TMED3: variants seen among roughly 807,000 people sequenced by gnomAD.
The protein encoded by TMED3 is transmembrane emp24 domain-containing protein 3.
A neutral mutation model predicts 15.0 loss-of-function variants in TMED3; 9 were observed. The ratio of observed to expected loss-of-function variants is 0.60; its 90% CI spans 0.36 to 1.04. The LOEUF is 1.04. Among genes scored for constraint, TMED3 ranks in the 50% least tolerant of loss-of-function variants. TMED3 has a pLI of 0.01. For missense variants in TMED3, 267 were observed against 278.9 expected, an observed-to-expected ratio of 0.96 and a Z score of 0.30; for synonymous variants, 117 against 121.4, an observed-to-expected ratio of 0.96 and a Z score of 0.24.
chr15:79,411,505 C>A, exon 3 of TMED3: 1 of 702,156 alleles, frequency 1.4e-6, no homozygotes, highest in South Asian at 1.5e-5. Flanking sequence ...ACCCTCCTAA[C>A]AGATTTTCAG....
At chr15:79,382,736 T>C (rs550048300) in intron 2 of TMED3, among the ~76,000 whole-genome samples, 182 of 152,316 alleles carry the variant, frequency 1.2e-3, no homozygotes, top group Middle Eastern at 6.8e-3. Flanking sequence ...CTTCTACCAG[T>C]ATGGCTAATG....
intron 2 of TMED3, among the ~76,000 whole-genome samples, chr15:79,387,689 T>TG (rs1371726636): frequency 6.6e-6 from 1 of 152,164 alleles, no homozygotes; most frequent in Non-Finnish European, 1.5e-5. Flanking sequence ...ATAGGTTGAT[T>TG]GGGGGAGAAA....
intron 2 of TMED3, among the ~76,000 whole-genome samples, chr15:79,406,016 T>A (rs1477078484): frequency 6.6e-6 from 1 of 152,236 alleles, no homozygotes; most frequent in Non-Finnish European, 1.5e-5. Context: ...ATATCTGGCA[T>A]AGCGGTTGCA....
chr15:79,346,912 C>T (rs2058873392), intron 2 of TMED3, among the ~76,000 whole-genome samples: 1 of 152,078 alleles, frequency 6.6e-6, no homozygotes, highest in Admixed American at 6.5e-5. Context: ...CAAAAAAGCC[C>T]AGGACCAGAA....
chr15:79,354,014 G>T (rs1378246641), intron 2 of TMED3, among the ~76,000 whole-genome samples: 1 of 152,170 alleles, frequency 6.6e-6, no homozygotes, highest in African/African-American at 2.4e-5. Flanking sequence ...ACAGATTGTG[G>T]ACTGAACCCT....
exon 3 of TMED3, chr15:79,413,587 G>A (rs985232255): frequency 1.3e-5 from 2 of 152,274 alleles, no homozygotes; most frequent in Admixed American, 6.5e-5. Flanking sequence ...TCCCAATTTA[G>A]TAGTGCTGAA....
At chr15:79,367,234 T>C (rs1288956837) in intron 2 of TMED3, among the ~76,000 whole-genome samples, 1 of 152,194 alleles carries the variant, frequency 6.6e-6, no homozygotes, top group Non-Finnish European at 1.5e-5. Context: ...AGCAGGTTAC[T>C]GGATACTATA....
At chr15:79,393,825 A>G (rs983141683) in intron 2 of TMED3, among the ~76,000 whole-genome samples, 2 of 152,096 alleles carry the variant, frequency 1.3e-5, no homozygotes, top group South Asian at 4.1e-4. Flanking sequence ...CCTCCTGAGT[A>G]TCTGGGACCG....
intron 2 of TMED3, 76 bp downstream of exon 2, chr15:79,314,081 T>C (rs771235955): frequency 1.2e-5 from 18 of 1,558,602 alleles, no homozygotes; most frequent in Non-Finnish European, 1.5e-5. Context: ...TCTAGGCTGG[T>C]GGTGGGAGTC....
intron 2 of TMED3, among the ~76,000 whole-genome samples, chr15:79,340,739 A>G (rs934812957): frequency 6.6e-6 from 1 of 152,196 alleles, no homozygotes; most frequent in Non-Finnish European, 1.5e-5. Flanking sequence ...TAATTTTCCA[A>G]TAAGCCAAAC....
chr15:79,326,508 A>G (rs892976236), downstream of TMED3, among the ~76,000 whole-genome samples: 3 of 152,174 alleles, frequency 2.0e-5, no homozygotes, highest in Non-Finnish European at 4.4e-5. Context: ...GGATGGGAAC[A>G]ACTTTTAGCT....
chr15:79,367,410 G>A (rs574245603), intron 2 of TMED3, among the ~76,000 whole-genome samples: 1 of 152,278 alleles, frequency 6.6e-6, no homozygotes, highest in South Asian at 2.1e-4. Context: ...GGAAGATTGG[G>A]AAGCTAATGC....
At chr15:79,337,932 T>C (rs964500339) in intron 2 of TMED3, among the ~76,000 whole-genome samples, 2 of 152,264 alleles carry the variant, frequency 1.3e-5, no homozygotes, top group Admixed American at 6.5e-5. Flanking sequence ...AAACGTTGCA[T>C]GCTTGTATAT....
At chr15:79,327,067 A>G (rs538542293), downstream of TMED3, among the ~76,000 whole-genome samples, 11 of 152,168 alleles carry the variant, frequency 7.2e-5, no homozygotes, top group Non-Finnish European at 1.6e-4. Flanking sequence ...TAATAGAGTA[A>G]GAGCTCACTC....
rs144691082 is a variant in TMED3, at chr15:79,350,425, T to A, written c.417+36420T>A. Among the ~76,000 whole-genome samples, 18 of 152,250 alleles carry A rather than the reference T, an allele frequency of 1.2e-4. No homozygotes were observed. The East Asian group carries it at 3.5e-3, about 29-fold the overall frequency. The stretch of plus-strand genomic sequence containing the variant: ...AACAGTGCAGCCTTCAGTCTATGTC[T>A]GAAGGCCCAAGAGCCTCTGGCAAAT... On this transcript the variant is annotated intron_variant, in intron 2 of 2. Coordinates refer to the TMED3 transcript ENST00000424155.
intron 2 of TMED3, among the ~76,000 whole-genome samples, chr15:79,318,763 C>A (rs972127030): frequency 3.9e-5 from 6 of 152,156 alleles, no homozygotes; most frequent in Non-Finnish European, 5.9e-5. Flanking sequence ...TGGAAGCATT[C>A]CCCGGAGAGC....
At chr15:79,367,817 A>C (rs1330653937) in intron 2 of TMED3, among the ~76,000 whole-genome samples, 1 of 152,254 alleles carries the variant, frequency 6.6e-6, no homozygotes. Flanking sequence ...AAATGTCTTG[A>C]AACAGGGTCT....
intron 2 of TMED3, among the ~76,000 whole-genome samples, chr15:79,343,206 G>A (rs796974744): frequency 2.0e-5 from 3 of 152,018 alleles, no homozygotes; most frequent in South Asian, 2.1e-4. Context: ...ATGATGGGAC[G>A]GTGCATACAA....
chr15:79,354,375 C>A (rs2058910175), intron 2 of TMED3, among the ~76,000 whole-genome samples: 1 of 152,072 alleles, frequency 6.6e-6, no homozygotes, highest in African/African-American at 2.4e-5. Flanking sequence ...CTAGACAGAT[C>A]CTGGGGGAAG....
Sources: gnomAD v4.1 joint callset for allele counts (sites outside exome capture counted in the v4.1 genomes callset) on GRCh38, gnomAD v4.1.1 for gene constraint, MANE v1.5 for transcripts, NCBI Gene and HGNC (gene_info 2026-07-23, HGNC 2026-07-21) for gene names.